CSMD1: variants seen among roughly 807,000 people sequenced by gnomAD.
CSMD1 encodes the protein CUB and sushi domain-containing protein 1.
CSMD1 carries 213 observed loss-of-function variants against 417.5 expected under a neutral mutation model. The ratio of observed to expected loss-of-function variants is 0.51; its 90% CI spans 0.46 to 0.57. The LOEUF is 0.57. Among genes scored for constraint, CSMD1 ranks in the 20% least tolerant of loss-of-function variants. The probability of loss-of-function intolerance (pLI) is 0.00; values close to 1 mark genes in which losing one functional copy is unlikely to be tolerated. For synonymous variants in CSMD1, 2,862 were observed against 1,736.8 expected (o/e 1.65, Z -16.11); for missense variants, 6,923 against 4,529.7 (o/e 1.53, Z -15.17).
intron 10 of CSMD1, among the ~76,000 whole-genome samples, chr8:3,566,799 G>A (rs942248175): frequency 3.9e-5 from 6 of 152,168 alleles, no homozygotes; most frequent in African/African-American, 1.4e-4. Context: ...TGAGGTTGTG[G>A]AGAAAAAGGA....
chr8:4,050,298 C>T (rs1489729126), intron 3 of CSMD1, among the ~76,000 whole-genome samples: 3 of 152,062 alleles, frequency 2.0e-5, no homozygotes, highest in Non-Finnish European at 2.9e-5. Flanking sequence ...CTATGAGCAG[C>T]AGAACTTAAG....
chr8:3,265,403 A>C lies in CSMD1; in HGVS notation c.4153+18741T>G, dbSNP rs80049400. ...TTTCTATGAATCTTGTGAAGGGGGG[A>C]GTGTAAGAATCATATTAAATGGGTC... On this transcript the variant is annotated intron_variant, in intron 26 of 69. Transcript: ENST00000635120. 2.8e-3 allele frequency among the ~76,000 whole-genome samples: 433 copies of C among 152,146 alleles called. 3 individuals are homozygous for C. Among genetic ancestry groups the C allele is most frequent in the African/African-American group, 9.9e-3 (410 of 41,504 alleles).
chr8:4,071,274 T>C (rs1346682390), intron 3 of CSMD1, among the ~76,000 whole-genome samples: 2 of 152,194 alleles, frequency 1.3e-5, no homozygotes, highest in African/African-American at 2.4e-5. Flanking sequence ...CTGCTTGTTA[T>C]ATTTTTTCAG....
chr8:4,105,893 G>C (rs1348916728), intron 3 of CSMD1, among the ~76,000 whole-genome samples: 1 of 152,214 alleles, frequency 6.6e-6, no homozygotes, highest in African/African-American at 2.4e-5. Flanking sequence ...GCTCGGCTCT[G>C]TGCTGGCCCC....
At chr8:4,757,815 G>C (rs954176463) in intron 1 of CSMD1, among the ~76,000 whole-genome samples, 3 of 151,638 alleles carry the variant, frequency 2.0e-5, no homozygotes, top group Non-Finnish European at 2.9e-5. Flanking sequence ...GAAAATTAGC[G>C]AGGCACGGTG....
rs12545632 is a variant in CSMD1 at position 3,685,192 on chromosome 8, T to C, written c.1009+23222A>G. Among the ~76,000 whole-genome samples the C allele has an allele frequency of 5.6e-3, 856 of 152,330 alleles. 4 individuals are homozygous for C. Among genetic ancestry groups the C allele is most frequent in the Non-Finnish European group, 0.01 (687 of 68,022 alleles). ...TTGATGGATAAAATCAAATCCAAAG[T>C]TGCAAAATTGAAGCCACTGCCCTTG... On this transcript the variant is annotated intron_variant, in intron 7 of 69. Coordinates refer to ENST00000635120, the MANE Select transcript of CSMD1 (RefSeq NM_033225.6).
In CSMD1 at chr8:3,187,945, G is replaced by A. The variant is rs372113764; in HGVS notation, c.5544C>T (p.Ala1848=). The change falls in exon 36 of 70, where the codon GCC becomes GCT. Residue 1848 remains alanine, a synonymous_variant. Transcript: ENST00000635120. ...CAAGGGAGTCCCAGTTCTGCTCCGT[G>A]GCAAAACTGATCACTTGGATCTACC... The part of the protein sequence containing the change: ...SGIQIQVISF[A]TEQNWDSLEI... 7.4e-6 allele frequency: 12 copies of A among 1,612,240 alleles called. No homozygotes were observed. Among genetic ancestry groups the A allele is most frequent in the African/African-American group, 1.3e-5 (1 of 74,688 alleles).
chr8:4,684,299 C>T (rs12680300), intron 1 of CSMD1, among the ~76,000 whole-genome samples: 1 of 152,166 alleles, frequency 6.6e-6, no homozygotes, highest in Admixed American at 6.5e-5. Flanking sequence ...GGAGCGCAGA[C>T]TTGGTAAAAA....
At chr8:4,198,967 C>T (rs1353343024) in intron 3 of CSMD1, among the ~76,000 whole-genome samples, 1 of 151,702 alleles carries the variant, frequency 6.6e-6, no homozygotes, top group Non-Finnish European at 1.5e-5. Context: ...TAAGACAGTA[C>T]TGTTGCTCAT....
At chr8:4,427,188 G>A (rs1028622032) in intron 2 of CSMD1, among the ~76,000 whole-genome samples, 1 of 152,148 alleles carries the variant, frequency 6.6e-6, no homozygotes, top group Non-Finnish European at 1.5e-5. Context: ...AGATGGGTGT[G>A]CAGGGACCAT....
intron 3 of CSMD1, among the ~76,000 whole-genome samples, chr8:4,136,611 T>C (rs185320077): frequency 6.6e-6 from 1 of 152,094 alleles, no homozygotes; most frequent in African/African-American, 2.4e-5. Context: ...GCAAGAGAGG[T>C]TGAATATATT....
At chr8:3,316,596 C>G (rs1005483930) in intron 23 of CSMD1, among the ~76,000 whole-genome samples, 1 of 152,072 alleles carries the variant, frequency 6.6e-6, no homozygotes, top group Admixed American at 6.6e-5. Context: ...GGAGAACAGT[C>G]CAGGTGGAAA....
chr8:4,338,153 A>C (rs1255759616), intron 3 of CSMD1, among the ~76,000 whole-genome samples: 3 of 152,170 alleles, frequency 2.0e-5, no homozygotes, highest in African/African-American at 7.2e-5. Flanking sequence ...AAAGCATGGT[A>C]GTAGAGAATT....
intron 2 of CSMD1, among the ~76,000 whole-genome samples, chr8:4,511,055 C>G (rs1179369487): frequency 6.6e-6 from 1 of 152,070 alleles, no homozygotes; most frequent in Admixed American, 6.6e-5. Flanking sequence ...CTTGAGCTTT[C>G]TTTCTCAGCC....
intron 2 of CSMD1, among the ~76,000 whole-genome samples, chr8:4,462,884 A>T (rs1799923531): frequency 6.6e-6 from 1 of 152,138 alleles, no homozygotes; most frequent in Non-Finnish European, 1.5e-5. Flanking sequence ...ATAGGAGTAA[A>T]TCTTTGTAAC....
intron 3 of CSMD1, among the ~76,000 whole-genome samples, chr8:4,162,384 T>G (rs926083475): frequency 6.6e-6 from 1 of 152,184 alleles, no homozygotes; most frequent in African/African-American, 2.4e-5. Flanking sequence ...TTTTTTGGTT[T>G]TATCTTGACA....
At chr8:4,938,658 C>T (rs1175480742) in intron 1 of CSMD1, among the ~76,000 whole-genome samples, 1 of 152,108 alleles carries the variant, frequency 6.6e-6, no homozygotes, top group African/African-American at 2.4e-5. Flanking sequence ...AGTGCTTGAA[C>T]TCCAGGATCA....
intron 3 of CSMD1, among the ~76,000 whole-genome samples, chr8:4,230,742 C>T (rs997384939): frequency 2.5e-4 from 38 of 152,070 alleles, no homozygotes; most frequent in Non-Finnish European, 5.4e-4. Context: ...CGATTACAAG[C>T]TATTGAAATA....
chr8:3,683,802 C>T (rs1229439991), intron 7 of CSMD1, among the ~76,000 whole-genome samples: 1 of 151,998 alleles, frequency 6.6e-6, no homozygotes, highest in African/African-American at 2.4e-5. Context: ...TTTGTGTTAA[C>T]TTGATAAAAC....
Sources: allele counts gnomAD v4.1 joint callset (sites outside exome capture counted in the v4.1 genomes callset), GRCh38; gene constraint gnomAD v4.1.1; transcripts MANE v1.5; gene names NCBI Gene and HGNC (gene_info 2026-07-23, HGNC 2026-07-21).